LIMA1: variants seen among roughly 807,000 people sequenced by gnomAD.
The protein encoded by LIMA1 is LIM domain and actin binding 1.
In LIMA1, 52 loss-of-function variants were observed where a neutral mutation model predicts 62.6. The ratio of observed to expected loss-of-function variants is 0.83; its 90% CI spans 0.67 to 1.05. The LOEUF is 1.05. Ranked by LOEUF, LIMA1 falls within the 50% of genes least tolerant of loss-of-function variation. The pLI is 0.00. For synonymous variants in LIMA1, 302 were observed against 317.8 expected, an observed-to-expected ratio of 0.95 and a Z score of 0.53; for missense variants, 780 against 902.2, an observed-to-expected ratio of 0.86 and a Z score of 1.74.
chr12:50,177,858 C>T lies in LIMA1; in HGVS notation c.1486G>A (p.Ala496Thr). ...AGGACACCCACCTTAGCAATAGGGG[C>T]ATCTTCTACCCCTGGGCTGTGAGGG... ...ETPHSPGVED[A>T]PIAKVGVLAA... Residue 496 changes from alanine to threonine, a missense_variant, in exon 11 of 11, where the codon GCC becomes ACC. Coordinates refer to ENST00000341247, the MANE Select transcript of LIMA1 (RefSeq NM_016357.5). 1.9e-6 allele frequency: 3 copies of T among 1,613,026 alleles called. No individual in the cohort carries two copies. The highest frequency in any genetic ancestry group is 2.5e-6 in the Non-Finnish European group (3 of 1,179,492).
At chr12:50,237,664 A>G (rs1421925742) in intron 2 of LIMA1, among the ~76,000 whole-genome samples, 1 of 152,152 alleles carries the variant, frequency 6.6e-6, no homozygotes, top group East Asian at 1.9e-4. Flanking sequence ...AGTGGTTAAA[A>G]TGGTAAATTT....
intron 1 of LIMA1, among the ~76,000 whole-genome samples, chr12:50,254,018 ACT>A (rs1941962288): frequency 1.7e-5 from 2 of 116,420 alleles, no homozygotes; most frequent in African/African-American, 3.7e-5. Context: ...ACAGAGCGAG[ACT>A]CTGTCTCAAA....
At chr12:50,227,237 CTTTTTTTT>C (rs199650468) in intron 3 of LIMA1, among the ~76,000 whole-genome samples, 5 of 123,988 alleles carry the variant, frequency 4.0e-5, no homozygotes, top group African/African-American at 6.2e-5. Context: ...TTTTTCTTTT[CTTTTTTTT>C]TTTTTTTTTT....
Position 50,183,916 on chromosome 12 carries a change from TG to T in LIMA1, c.1141-1880del, listed in dbSNP as rs1333426757. On this transcript the variant is annotated intron_variant, in intron 9 of 10. Coordinates refer to ENST00000341247, the MANE Select transcript of LIMA1 (RefSeq NM_016357.5). The stretch of plus-strand genomic sequence containing the variant: ...TAGGAGGTAAAGCAAAAAATAAAAA[TG>T]GTTTTCCAAGTAGATTTGGGCAGGA... Among the ~76,000 whole-genome samples the T allele has an allele frequency of 2.0e-5, 3 of 148,504 alleles. No homozygotes were observed. In the Admixed American group the frequency reaches 2.0e-4, roughly 10 times the overall value.
intron 2 of LIMA1, among the ~76,000 whole-genome samples, chr12:50,236,965 G>T (rs776320985): frequency 3.3e-5 from 5 of 152,270 alleles, no homozygotes; most frequent in African/African-American, 1.2e-4. Context: ...ATTGGTGAGG[G>T]TATGGGGAAA....
chr12:50,201,218 C>A (rs943461396), intron 6 of LIMA1: 2 of 1,053,932 alleles, frequency 1.9e-6, no homozygotes, highest in Non-Finnish European at 2.3e-6. Flanking sequence ...TGTGGTAATG[C>A]AAAGCTTGTG....
chr12:50,182,357 TC>T (rs1940524846), intron 9 of LIMA1, among the ~76,000 whole-genome samples: 1 of 133,862 alleles, frequency 7.5e-6, no homozygotes, highest in Non-Finnish European at 1.6e-5. Context: ...GGGGAAGGGG[TC>T]GGGGGGGGGA....
rs746415602 is a variant in LIMA1, at chr12:50,222,380, G to A, written c.271C>T (p.Arg91Trp). The A allele has an allele frequency of 1.3e-5, 21 of 1,614,050 alleles. No individual in the cohort carries two copies. The highest frequency in any genetic ancestry group is 1.6e-5 in the Non-Finnish European group (19 of 1,180,048). ...TGCCTAATCTCAGTGCTGCTGTTCC[G>A]TAGAGAGTCTGTGTGAGACTCTGCT... is the stretch of plus-strand genomic sequence containing the variant. ...LGAESHTDSL[R>W]NSSTEIRHRA... Residue 91 changes from arginine to tryptophan, a missense_variant, in exon 4 of 11, where the codon CGG becomes TGG. Physicochemically the swap from Arg to Trp is moderately radical, Grantham distance 101. Transcript: ENST00000341247.
chr12:50,212,824 A>T (rs11169320), intron 4 of LIMA1, among the ~76,000 whole-genome samples: 8 of 151,490 alleles, frequency 5.3e-5, no homozygotes, highest in Admixed American at 1.3e-4. Context: ...TTTATTTTTT[A>T]TTTTTTTTGA....
chr12:50,196,074 G>T, intron 7 of LIMA1, 187 bp from the exon 8 acceptor site: 1 of 540,156 alleles, frequency 1.9e-6, no homozygotes, highest in Non-Finnish European at 3.2e-6. Context: ...TCTTTTATGA[G>T]GATATTAACA....
At chr12:50,211,864 G>A (rs1336957913) in intron 4 of LIMA1, among the ~76,000 whole-genome samples, 1 of 151,998 alleles carries the variant, frequency 6.6e-6, no homozygotes, top group East Asian at 1.9e-4. Context: ...TCACATTTTA[G>A]CTCTTTTTAC....
Position 50,255,395 on chromosome 12 carries a change from G to GA in LIMA1, c.-23-6622dup, listed in dbSNP as rs59856380. Among the ~76,000 whole-genome samples the GA allele has an allele frequency of 9.9e-3, 1,498 of 151,656 alleles. 29 individuals carry two copies. Among genetic ancestry groups the GA allele is most frequent in the African/African-American group, 0.034 (1,397 of 41,366 alleles). On this transcript the variant is annotated intron_variant, in intron 1 of 10. Transcript: ENST00000341247. Reference sequence around the variant, plus strand: ...CATGGTGAAACCCTGTCTCTACAAAGAAAAAATACAGAAAACTATCTGGCC... The same window carrying GA: ...CATGGTGAAACCCTGTCTCTACAAAGAAAAAAATACAGAAAACTATCTGGCC...
In LIMA1 at chr12:50,210,951, T is replaced by A. The variant is rs1336183339; in HGVS notation, c.631-4883A>T. On this transcript the variant is annotated intron_variant, in intron 4 of 10. Transcript: ENST00000341247. ...ACACAGCTGTGAGGTAAGATGGGTTTTCATGATATCGCAGGTTCAGTGAAG... is the reference window on the plus strand; with the variant it reads ...ACACAGCTGTGAGGTAAGATGGGTTATCATGATATCGCAGGTTCAGTGAAG... Among the ~76,000 whole-genome samples, 4 of 152,302 alleles carry A rather than the reference T, an allele frequency of 2.6e-5. No individual in the cohort carries two copies. The East Asian group carries it at 7.7e-4, about 29-fold the overall frequency.
intron 4 of LIMA1, among the ~76,000 whole-genome samples, chr12:50,208,055 A>G (rs141074936): frequency 2.0e-5 from 3 of 152,250 alleles, no homozygotes; most frequent in Non-Finnish European, 2.9e-5. Context: ...TATATTTAAT[A>G]TATCTCCCAA....
chr12:50,225,609 G>A (rs1941515742), intron 3 of LIMA1, among the ~76,000 whole-genome samples: 1 of 152,156 alleles, frequency 6.6e-6, no homozygotes, highest in South Asian at 2.1e-4. Context: ...CTAGAGTGTA[G>A]TGGCACGATC....
chr12:50,283,450 C>CT lies in LIMA1; in HGVS notation c.-55dup, dbSNP rs1297355882. 6.6e-6 allele frequency: 1 copy of CT among 152,386 alleles called. No homozygotes were observed. The highest frequency in any genetic ancestry group is 2.4e-5 in the African/African-American group (1 of 41,476). The allele number at this position is 152,386 out of a possible 1,614,324, so 9.4% of individuals were successfully genotyped here. The stretch of plus-strand genomic sequence containing the variant: ...TAAAAGCCGCCTTTCCTCTGCGCTG[C>CT]TACCAGCCCTGTCACAGGTCCCGGC... On this transcript the variant is annotated 5_prime_UTR_variant, in exon 1 of 11. Coordinates refer to ENST00000341247, the MANE Select transcript of LIMA1 (RefSeq NM_016357.5).
chr12:50,267,941 C>T (rs568407004), intron 1 of LIMA1, among the ~76,000 whole-genome samples: 1 of 152,148 alleles, frequency 6.6e-6, no homozygotes, highest in Non-Finnish European at 1.5e-5. Flanking sequence ...AGGTGTAAGC[C>T]ACCGTGCCCG....
In LIMA1 at chr12:50,178,037, A is replaced by C. The variant is rs776516240; in HGVS notation, c.1307T>G (p.Ile436Ser). Residue 436 changes from isoleucine to serine, a missense_variant, in exon 11 of 11, where the codon ATC becomes AGC. Ile to Ser is a moderately radical substitution (Grantham distance 142, BLOSUM62 -2). Coordinates refer to ENST00000341247, the MANE Select transcript of LIMA1 (RefSeq NM_016357.5). ...TTGATTGAAGTGAGGCTTACAATAGATTCTTCCATGTAAAGATGCATATGT... is the reference window on the plus strand; with the variant it reads ...TTGATTGAAGTGAGGCTTACAATAGCTTCTTCCATGTAAAGATGCATATGT... ...LGTYASLHGR[I>S]YCKPHFNQLF... 1 of 1,550,802 alleles carries C rather than the reference A, an allele frequency of 6.4e-7. No individual in the cohort carries two copies. The highest frequency in any genetic ancestry group is 1.3e-5 in the South Asian group (1 of 78,434).
intron 4 of LIMA1, among the ~76,000 whole-genome samples, chr12:50,221,118 G>A (rs1653217065): frequency 1.3e-5 from 2 of 151,932 alleles, no homozygotes; most frequent in Admixed American, 1.3e-4. Flanking sequence ...TCCAAACATA[G>A]GGACTTGGGC....
Sources: gnomAD v4.1 joint callset for allele counts (sites outside exome capture counted in the v4.1 genomes callset) on GRCh38, gnomAD v4.1.1 for gene constraint, MANE v1.5 for transcripts, NCBI Gene and HGNC (gene_info 2026-07-23, HGNC 2026-07-21) for gene names.